The following EEPD1 variants were observed in gnomAD, a reference collection of about 807,000 sequenced individuals.
EEPD1 encodes endonuclease/exonuclease/phosphatase family domain-containing protein 1.
A neutral mutation model predicts 46.3 loss-of-function variants in EEPD1; 17 were observed. The ratio of observed to expected loss-of-function variants is 0.37; its 90% CI spans 0.25 to 0.55. The LOEUF (loss-of-function observed/expected upper bound fraction) is 0.55, where lower values mean the gene tolerates loss of function less well. Ranked by LOEUF, EEPD1 falls within the 20% of genes least tolerant of loss-of-function variation. The probability of loss-of-function intolerance (pLI) is 0.83; values close to 1 mark genes in which losing one functional copy is unlikely to be tolerated. For synonymous variants in EEPD1, 313 were observed against 315.6 expected (o/e 0.99, Z 0.09); for missense variants, 673 against 745.6 (o/e 0.90, Z 1.13).
intron 2 of EEPD1, among the ~76,000 whole-genome samples, chr7:36,181,238 C>T (rs970337002): frequency 6.6e-6 from 1 of 152,134 alleles, no homozygotes; most frequent in African/African-American, 2.4e-5. Flanking sequence ...CCACCCGCCA[C>T]ACCCCACTGC....
chr7:36,240,369 T>A (rs952354795), intron 3 of EEPD1, among the ~76,000 whole-genome samples: 3 of 152,204 alleles, frequency 2.0e-5, no homozygotes, highest in African/African-American at 7.2e-5. Context: ...GAGGGAAGAA[T>A]GAGGTCTGAG....
chr7:36,187,009 T>C (rs1785369560), intron 2 of EEPD1, among the ~76,000 whole-genome samples: 1 of 152,300 alleles, frequency 6.6e-6, no homozygotes, highest in Non-Finnish European at 1.5e-5. Flanking sequence ...CAGAATTCTG[T>C]AAGCTGTGGA....
intron 2 of EEPD1, among the ~76,000 whole-genome samples, chr7:36,161,118 G>T (rs2726049): frequency 6.6e-6 from 1 of 151,922 alleles, no homozygotes; most frequent in Non-Finnish European, 1.5e-5. Context: ...AATGACAAAT[G>T]GACCCAGGGC....
intron 2 of EEPD1, among the ~76,000 whole-genome samples, chr7:36,171,911 A>G (rs1464951503): frequency 1.3e-5 from 2 of 152,222 alleles, no homozygotes; most frequent in Admixed American, 6.5e-5. Flanking sequence ...ATAGTTCAAG[A>G]CCAAACTGTG....
intron 2 of EEPD1, among the ~76,000 whole-genome samples, chr7:36,163,100 AT>A (rs34506577): frequency 0.76 from 114,520 of 151,182 alleles, 43,747 homozygotes; most frequent in Middle Eastern, 0.81. Context: ...ATTCAGTCTA[AT>A]TTTTTTTTTA....
intron 2 of EEPD1, among the ~76,000 whole-genome samples, chr7:36,222,701 C>T (rs867936410): frequency 5.9e-5 from 9 of 152,298 alleles, no homozygotes; most frequent in Middle Eastern, 3.4e-3. Context: ...CAGTGTCTGG[C>T]AAGGGCCCAT....
At chr7:36,251,904 T>G (rs1481340983) in intron 3 of EEPD1, among the ~76,000 whole-genome samples, 1 of 152,208 alleles carries the variant, frequency 6.6e-6, no homozygotes, top group African/African-American at 2.4e-5. Context: ...ATGAAAACAT[T>G]GATTTTATGT....
intron 2 of EEPD1, among the ~76,000 whole-genome samples, chr7:36,231,714 G>A (rs1786333446): frequency 1.3e-5 from 2 of 152,186 alleles, no homozygotes; most frequent in Non-Finnish European, 2.9e-5. Flanking sequence ...AGAATCAGCA[G>A]AAGAAAGGCG....
intron 2 of EEPD1, among the ~76,000 whole-genome samples, chr7:36,197,209 C>T (rs548414669): frequency 6.7e-6 from 1 of 148,480 alleles, no homozygotes; most frequent in South Asian, 2.2e-4. Flanking sequence ...GGAGCGTCTC[C>T]GCCCGGCAGC....
Position 36,284,669 on chromosome 7 carries a change from C to T in EEPD1, c.1042-17C>T, listed in dbSNP as rs1583478523. ...TAGGGCTCTGGCACCAAGACTCTGT[C>T]TCCCTCTCCGCTGCAGGGAGCTGGG... On this transcript the variant is annotated splice_polypyrimidine_tract_variant and intron_variant, in intron 4 of 7. Transcript: ENST00000242108. 1.9e-6 allele frequency: 3 copies of T among 1,608,300 alleles called. No individual in the cohort carries two copies. The East Asian group carries it at 6.8e-5, about 36-fold the overall frequency.
intron 2 of EEPD1, among the ~76,000 whole-genome samples, chr7:36,175,210 A>G (rs1216590640): frequency 6.6e-6 from 1 of 152,236 alleles, no homozygotes; most frequent in Non-Finnish European, 1.5e-5. Context: ...TAAAATATGT[A>G]AGGAGGCAGC....
At chr7:36,158,604 C>G (rs556992349) in intron 2 of EEPD1, among the ~76,000 whole-genome samples, 3 of 152,250 alleles carry the variant, frequency 2.0e-5, no homozygotes, top group Admixed American at 6.5e-5. Context: ...TCACCAGGAG[C>G]CTTCAGGGAT....
At chr7:36,265,881 A>T (rs1179014251) in intron 3 of EEPD1, among the ~76,000 whole-genome samples, 1 of 152,164 alleles carries the variant, frequency 6.6e-6, no homozygotes, top group East Asian at 1.9e-4. Flanking sequence ...CCTGGGGCAG[A>T]TCCCTTTTTT....
At chr7:36,239,328 C>T (rs1301276055) in intron 3 of EEPD1, among the ~76,000 whole-genome samples, 2 of 152,138 alleles carry the variant, frequency 1.3e-5, no homozygotes, top group East Asian at 1.9e-4. Flanking sequence ...GCTTTCTGTG[C>T]TTTCAGCCAT....
Position 36,155,066 on chromosome 7 carries a change from G to GT in EEPD1, c.743dup (p.Glu249GlyfsTer56). The stretch of plus-strand genomic sequence containing the variant: ...CCAGATTATCTCCACTCGGCCGTCC[G>GT]TGGAGGCCTTTGGAGGCACAAGGGA... On this transcript the variant is annotated frameshift_variant, in exon 2 of 8. Transcript: ENST00000242108. LOFTEE classifies it high-confidence loss of function. 6.3e-7 allele frequency: 1 copy of GT among 1,593,870 alleles called. No individual in the cohort carries two copies. The highest frequency in any genetic ancestry group is 8.6e-7 in the Non-Finnish European group (1 of 1,168,524).
At position 36,299,549 on chromosome 7, in the gene EEPD1, G is replaced by T. The variant is rs1787583855; in HGVS notation, c.*343G>T. On this transcript the variant is annotated 3_prime_UTR_variant, in exon 8 of 8. Coordinates refer to ENST00000242108, the MANE Select transcript of EEPD1 (RefSeq NM_030636.3). Reference sequence around the variant, plus strand: ...ATGAGCAGAGGGAGGAGAAGAAGGGGTGCTCAGGCTGCGGGCCACAGTCCA... The same window carrying T: ...ATGAGCAGAGGGAGGAGAAGAAGGGTTGCTCAGGCTGCGGGCCACAGTCCA... The T allele has an allele frequency of 3.2e-6, 1 of 317,304 alleles. No individual in the cohort carries two copies. Among genetic ancestry groups the T allele is most frequent in the Non-Finnish European group, 5.9e-6 (1 of 168,836 alleles). The allele number at this position is 317,304 out of a possible 1,614,324, so 19.7% of individuals were successfully genotyped here.
Position 36,154,107 on chromosome 7 carries a change from T to G in EEPD1, c.-192-26T>G. The G allele has an allele frequency of 1.6e-6, 1 of 610,446 alleles. No homozygotes were observed. Among genetic ancestry groups the G allele is most frequent in the Non-Finnish European group, 2.8e-6 (1 of 352,600 alleles). The allele number at this position is 610,446 out of a possible 1,614,324, so 37.8% of individuals were successfully genotyped here. On this transcript the variant is annotated intron_variant, in intron 1 of 7. Coordinates refer to ENST00000242108, the MANE Select transcript of EEPD1 (RefSeq NM_030636.3). The surrounding 1 kb of genome is among the most constrained non-coding windows in gnomAD (Gnocchi z 4.2). ...TGCAAATTTCTTAATTCAATGGGTT[T>G]CTATGTTTATTGATTTATTTTCTAG...
At chr7:36,239,705 G>C (rs1179824292) in intron 3 of EEPD1, among the ~76,000 whole-genome samples, 1 of 152,026 alleles carries the variant, frequency 6.6e-6, no homozygotes, top group Non-Finnish European at 1.5e-5. Flanking sequence ...TGCCAGTTGT[G>C]GGTTCAAGTT....
intron 3 of EEPD1, among the ~76,000 whole-genome samples, chr7:36,252,829 CTTTTTTTTTTTTTTT>C (rs71553053): frequency 1.8e-5 from 1 of 54,850 alleles, no homozygotes; most frequent in Non-Finnish European, 3.1e-5. Context: ...GTGTTCTCTC[CTTTTTTTTTTTTTTT>C]TTTTTTTTTT....
Sources: allele counts gnomAD v4.1 joint callset (sites outside exome capture counted in the v4.1 genomes callset), GRCh38; gene constraint gnomAD v4.1.1; non-coding constraint Gnocchi (gnomAD v3.1); transcripts MANE v1.5; gene names NCBI Gene and HGNC (gene_info 2026-07-23, HGNC 2026-07-21).